CFAP91: variants seen among roughly 807,000 people sequenced by gnomAD.
CFAP91 encodes cilia and flagella associated protein 91, also known as cilia- and flagella-associated protein 91.
CFAP91 carries 85 observed loss-of-function variants against 95.9 expected under a neutral mutation model. That is an observed-to-expected ratio of 0.89 (90% confidence interval 0.74 to 1.06). The LOEUF (loss-of-function observed/expected upper bound fraction) is 1.06, where lower values mean the gene tolerates loss of function less well. CFAP91 is among the 50% of genes least tolerant of loss of function. The probability of loss-of-function intolerance (pLI) is 0.00; values close to 1 mark genes in which losing one functional copy is unlikely to be tolerated. For missense variants in CFAP91, 962 were observed against 943.4 expected, an observed-to-expected ratio of 1.02 and a Z score of -0.26; for synonymous variants, 335 against 327.5, an observed-to-expected ratio of 1.02 and a Z score of -0.25.
intron 7 of CFAP91, among the ~76,000 whole-genome samples, chr3:119,728,993 A>G (rs1003813576): frequency 6.6e-6 from 1 of 152,222 alleles, no homozygotes; most frequent in Non-Finnish European, 1.5e-5. Flanking sequence ...TGCCTGGCAT[A>G]TGGTGGGCAC....
chr3:119,750,247 A>T (rs886629982), intron 16 of CFAP91: 37 of 152,206 alleles, frequency 2.4e-4, no homozygotes, highest in Non-Finnish European at 2.1e-4. Flanking sequence ...GAGAATGCGG[A>T]TATTAAAATA....
At chr3:119,743,795 C>T (rs564325176) in intron 13 of CFAP91, among the ~76,000 whole-genome samples, 180 bp from the exon 14 acceptor site, 2 of 152,294 alleles carry the variant, frequency 1.3e-5, no homozygotes, top group Admixed American at 1.3e-4. Context: ...TTTCTCGTGC[C>T]TCAGTTTTCC....
intron 10 of CFAP91, among the ~76,000 whole-genome samples, chr3:119,736,654 G>T (rs1049410836): frequency 6.6e-6 from 1 of 152,058 alleles, no homozygotes. Flanking sequence ...GGCCTTTTGC[G>T]TCTGGCTTCT....
intron 17 of CFAP91, among the ~76,000 whole-genome samples, chr3:119,762,084 G>A (rs2054547685): frequency 2.0e-5 from 3 of 151,810 alleles, no homozygotes; most frequent in South Asian, 4.1e-4. Flanking sequence ...CTTATATATA[G>A]AAAACCCTAA....
chr3:119,731,362 A>G (rs2053893385), intron 8 of CFAP91, among the ~76,000 whole-genome samples: 1 of 152,224 alleles, frequency 6.6e-6, no homozygotes, highest in Non-Finnish European at 1.5e-5. Flanking sequence ...AATCACAAAA[A>G]CAAATTATTG....
intron 9 of CFAP91, 142 bp from the exon 10 acceptor site, chr3:119,733,222 C>T: frequency 1.4e-6 from 1 of 715,408 alleles, no homozygotes; most frequent in Non-Finnish European, 2.2e-6. Context: ...ATTTCAGGGA[C>T]ACTTCATTCT....
Position 119,766,824 on chromosome 3 carries a change from CAT to C in CFAP91, c.*1775_*1776del, listed in dbSNP as rs530750882. ...ATTTAAAGTAGCTTCTAATAAAGGA[CAT>C]GTGTAATGAAACTTAAAATATGATA... On this transcript the variant is annotated 3_prime_UTR_variant, in exon 18 of 18. Transcript: ENST00000273390. 1.0e-3 allele frequency: 155 copies of C among 152,244 alleles called. No homozygotes were observed. The highest frequency in any genetic ancestry group is 2.8e-3 in the African/African-American group (116 of 41,556). 9.4% of individuals were successfully genotyped at this position (152,244 alleles called of 1,614,324 possible).
intron 15 of CFAP91, chr3:119,747,510 C>T: frequency 3.6e-6 from 2 of 561,122 alleles, no homozygotes; most frequent in Non-Finnish European, 6.2e-6. Flanking sequence ...AGCATGAAAA[C>T]AATGTGAATA....
chr3:119,714,361 G>A (rs1278495922), intron 5 of CFAP91, among the ~76,000 whole-genome samples: 2 of 84,886 alleles, frequency 2.4e-5, no homozygotes, highest in Non-Finnish European at 2.6e-5. Context: ...GCGAGACTCC[G>A]TCTCAAAAAA....
chr3:119,751,174 C>G (rs866896419), intron 17 of CFAP91, 76 bp downstream of exon 17: 1 of 1,427,008 alleles, frequency 7.0e-7, no homozygotes, highest in Admixed American at 2.4e-5. Context: ...GTGCTGTGCT[C>G]AAACAATCAT....
chr3:119,737,460 C>T lies in CFAP91; in HGVS notation c.1439C>T (p.Pro480Leu). The change falls in exon 11 of 18, where the codon CCA (proline) becomes CTA (leucine). Residue 480 changes from proline to leucine, a missense_variant. Physicochemically the swap from Pro to Leu is moderately conservative, Grantham distance 98. Coordinates refer to ENST00000273390, the MANE Select transcript of CFAP91 (RefSeq NM_033364.4). ...NPIPQPRLPT[P>L]TLEMTSNEEE... ...ATACCTCAACCTCGGCTTCCAACTCCAACCTTGGAAATGACGTCCAATGTA... is the reference window on the plus strand; with the variant it reads ...ATACCTCAACCTCGGCTTCCAACTCTAACCTTGGAAATGACGTCCAATGTA... 6.2e-7 allele frequency: 1 copy of T among 1,604,806 alleles called. No individual in the cohort carries two copies. The highest frequency in any genetic ancestry group is 8.5e-7 in the Non-Finnish European group (1 of 1,175,760).
chr3:119,723,966 C>G (rs1347849825), intron 6 of CFAP91, among the ~76,000 whole-genome samples: 1 of 151,628 alleles, frequency 6.6e-6, no homozygotes, highest in South Asian at 2.1e-4. Context: ...TTGAGATCAC[C>G]CTGGCCAACA....
intron 17 of CFAP91, among the ~76,000 whole-genome samples, chr3:119,761,574 G>A (rs926941667): frequency 1.1e-4 from 16 of 151,816 alleles, no homozygotes; most frequent in African/African-American, 3.4e-4. Flanking sequence ...CCTGATTAAC[G>A]TGGATGCAAA....
At chr3:119,719,760 C>T (rs931978574) in intron 6 of CFAP91, among the ~76,000 whole-genome samples, 5 of 152,112 alleles carry the variant, frequency 3.3e-5, no homozygotes, top group Admixed American at 6.5e-5. Flanking sequence ...ACAGAATAAA[C>T]AACTTAAGAA....
intron 17 of CFAP91, among the ~76,000 whole-genome samples, chr3:119,762,635 G>A (rs142407484): frequency 2.1e-3 from 321 of 152,006 alleles, no homozygotes; most frequent in African/African-American, 7.3e-3. Flanking sequence ...CAGACCAATG[G>A]AATGTAATAG....
chr3:119,760,633 A>G lies in CFAP91; in HGVS notation c.*2-4419A>G, dbSNP rs1034639041. ...CATTCTCCAAGACTGATGACTGATA[A>G]TAAGCCTAACAAACTTAAGAAGATT... On this transcript the variant is annotated intron_variant, in intron 17 of 17. Coordinates refer to ENST00000273390, the MANE Select transcript of CFAP91 (RefSeq NM_033364.4). Among the ~76,000 whole-genome samples, 5 of 151,830 alleles carry G rather than the reference A, an allele frequency of 3.3e-5. 1 individual carries two copies. The highest frequency in any genetic ancestry group is 7.4e-5 in the Non-Finnish European group (5 of 67,752).
At position 119,737,434 on chromosome 3, in the gene CFAP91, A is replaced by G; in HGVS notation, c.1413A>G (p.Pro471=). 2 of 1,611,914 alleles carry G rather than the reference A, an allele frequency of 1.2e-6. No individual in the cohort carries two copies. Among genetic ancestry groups the G allele is most frequent in the Middle Eastern group, 1.7e-4 (1 of 6,058 alleles). Reference sequence around the variant, plus strand: ...CCCCTCGCTTCCTTCAAAGAAACCCAATACCTCAACCTCGGCTTCCAACTC... The same window carrying G: ...CCCCTCGCTTCCTTCAAAGAAACCCGATACCTCAACCTCGGCTTCCAACTC... The part of the protein sequence containing the change: ...KKPPRFLQRN[P]IPQPRLPTPT... Residue 471 remains proline, a synonymous_variant, in exon 11 of 18, where the codon CCA becomes CCG. Coordinates refer to ENST00000273390, the MANE Select transcript of CFAP91 (RefSeq NM_033364.4).
intron 6 of CFAP91, among the ~76,000 whole-genome samples, chr3:119,718,167 G>C (rs1158625801): frequency 1.3e-5 from 2 of 152,190 alleles, no homozygotes; most frequent in Non-Finnish European, 2.9e-5. Flanking sequence ...AAATTTCTGA[G>C]TAAACAGAAA....
intron 16 of CFAP91, chr3:119,750,369 TTCCAA>T (rs2054302152): frequency 6.4e-6 from 1 of 155,306 alleles, no homozygotes; most frequent in Non-Finnish European, 1.4e-5. Context: ...CACTACTCCT[TTCCAA>T]GGGCTTAGGT....
Sources: allele counts gnomAD v4.1 joint callset (sites outside exome capture counted in the v4.1 genomes callset), GRCh38; gene constraint gnomAD v4.1.1; transcripts MANE v1.5; gene names NCBI Gene and HGNC (gene_info 2026-07-23, HGNC 2026-07-21).